SLC2A9: variants seen among roughly 807,000 people sequenced by gnomAD.
SLC2A9 encodes solute carrier family 2, facilitated glucose transporter member 9.
SLC2A9 carries 39 observed loss-of-function variants against 50.6 expected under a neutral mutation model. The observed-to-expected ratio is 0.77, with a 90% CI of 0.60 to 1.01. SLC2A9 has a LOEUF of 1.01. SLC2A9 is among the 50% of genes least tolerant of loss of function. The pLI is 0.00. For synonymous variants in SLC2A9, 324 were observed against 276.9 expected (o/e 1.17, Z -1.69); for missense variants, 686 against 677.6 (o/e 1.01, Z -0.14).
chr4:10,023,524 T>TA (rs774183934), upstream of SLC2A9, among the ~76,000 whole-genome samples: 12 of 152,352 alleles, frequency 7.9e-5, no homozygotes, highest in Non-Finnish European at 1.5e-4. Flanking sequence ...AATTGCTTCG[T>TA]AGTCCTCTGT....
downstream of SLC2A9, among the ~76,000 whole-genome samples, chr4:9,796,279 T>A (rs1309241557): frequency 6.6e-6 from 1 of 152,204 alleles, no homozygotes; most frequent in African/African-American, 2.4e-5. Flanking sequence ...TTGCCTGACC[T>A]TAACATTGTC....
intron 5 of SLC2A9, among the ~76,000 whole-genome samples, chr4:9,951,975 C>CG (rs1750364727): frequency 6.6e-6 from 1 of 152,236 alleles, no homozygotes; most frequent in African/African-American, 2.4e-5. Flanking sequence ...CCATGTGCCA[C>CG]GGCTCAGCTC....
upstream of SLC2A9, among the ~76,000 whole-genome samples, chr4:10,024,069 C>T (rs1181566515): frequency 6.6e-6 from 1 of 152,200 alleles, no homozygotes; most frequent in Non-Finnish European, 1.5e-5. Flanking sequence ...TGACCTTGCT[C>T]AGGCCCTCAC....
chr4:9,996,697 T>G, intron 3 of SLC2A9, 84 bp downstream of exon 3: 1 of 1,525,760 alleles, frequency 6.6e-7, no homozygotes, highest in East Asian at 2.4e-5. Flanking sequence ...AGTGGAGTTC[T>G]GTTGCCTGTC....
chr4:9,843,934 C>G (rs369138285), intron 10 of SLC2A9, among the ~76,000 whole-genome samples: 130 of 152,148 alleles, frequency 8.5e-4, no homozygotes, highest in African/African-American at 2.8e-3. Flanking sequence ...AAGGCCTTCC[C>G]CAATAACATA....
intron 5 of SLC2A9, among the ~76,000 whole-genome samples, chr4:9,961,548 T>C (rs1244132355): frequency 6.6e-6 from 1 of 152,084 alleles, no homozygotes; most frequent in African/African-American, 2.4e-5. Flanking sequence ...TATACAAAAA[T>C]TAACTCAAGA....
chr4:9,789,496 G>T (rs910452768), intron 3 of SLC2A9, among the ~76,000 whole-genome samples: 1 of 152,200 alleles, frequency 6.6e-6, no homozygotes, highest in Non-Finnish European at 1.5e-5. Context: ...TGCAGTAGAT[G>T]GATAGAGTGG....
chr4:9,827,023 G>T (rs1725260091), intron 11 of SLC2A9, among the ~76,000 whole-genome samples: 1 of 152,184 alleles, frequency 6.6e-6, no homozygotes, highest in Non-Finnish European at 1.5e-5. Flanking sequence ...GAAGAATGTG[G>T]AGCACAGAAT....
At chr4:9,891,781 G>A (rs1430159652) in intron 8 of SLC2A9, among the ~76,000 whole-genome samples, 1 of 152,196 alleles carries the variant, frequency 6.6e-6, no homozygotes, top group African/African-American at 2.4e-5. Flanking sequence ...ACAGAGATGT[G>A]GAGAGCTTGT....
At chr4:9,812,783 G>GT (rs902925620) in intron 3 of SLC2A9, among the ~76,000 whole-genome samples, 8 of 151,768 alleles carry the variant, frequency 5.3e-5, no homozygotes, top group Middle Eastern at 3.4e-3. Flanking sequence ...GATAATCCAA[G>GT]TTTTTTTTTC....
Position 9,860,092 on chromosome 4 carries a change from G to A in SLC2A9, c.1292-25084C>T, listed in dbSNP as rs541537096. 1.1e-4 allele frequency among the ~76,000 whole-genome samples: 17 copies of A among 152,254 alleles called. No individual in the cohort carries two copies. The South Asian group carries it at 1.9e-3, about 17-fold the overall frequency. On this transcript the variant is annotated intron_variant, in intron 10 of 11. Coordinates refer to ENST00000264784, the MANE Select transcript of SLC2A9 (RefSeq NM_020041.3). Reference sequence around the variant, plus strand: ...ACAGCAGAGGGAGTGAGAACAGCCCGCAGTTCCTGTTGGATGGCACCTGCT... The same window carrying A: ...ACAGCAGAGGGAGTGAGAACAGCCCACAGTTCCTGTTGGATGGCACCTGCT...
downstream of SLC2A9, among the ~76,000 whole-genome samples, chr4:9,821,412 CTG>C (rs1420008447): frequency 2.0e-5 from 3 of 152,002 alleles, no homozygotes; most frequent in Non-Finnish European, 2.9e-5. Flanking sequence ...AAACGAAACA[CTG>C]TATGTTCTTA....
chr4:10,029,131 G>A (rs1763847369), intron 1 of SLC2A9: 1 of 152,260 alleles, frequency 6.6e-6, no homozygotes, highest in Non-Finnish European at 1.5e-5. Flanking sequence ...TCCACAGGGT[G>A]TCTCTGTTTT....
intron 10 of SLC2A9, among the ~76,000 whole-genome samples, chr4:9,843,747 C>A (rs1474361463): frequency 6.6e-6 from 1 of 152,154 alleles, no homozygotes; most frequent in Non-Finnish European, 1.5e-5. Flanking sequence ...GTGATGAACA[C>A]TCAATAGCTT....
At chr4:9,991,495 T>G (rs1757710263) in intron 3 of SLC2A9, among the ~76,000 whole-genome samples, 1 of 152,100 alleles carries the variant, frequency 6.6e-6, no homozygotes, top group Non-Finnish European at 1.5e-5. Context: ...GGGGCCATCT[T>G]GCACCTCCAC....
intron 1 of SLC2A9, among the ~76,000 whole-genome samples, chr4:10,033,262 A>C (rs1176349812): frequency 6.6e-6 from 1 of 151,938 alleles, no homozygotes; most frequent in Non-Finnish European, 1.5e-5. Flanking sequence ...TCGGTATGTC[A>C]CCCCCACTGT....
intron 11 of SLC2A9, among the ~76,000 whole-genome samples, chr4:9,829,194 A>T (rs1725624094): frequency 6.6e-6 from 1 of 152,216 alleles, no homozygotes; most frequent in Admixed American, 6.5e-5. Flanking sequence ...ACTTGAGGTC[A>T]GAAGTTCAGG....
intron 6 of SLC2A9, among the ~76,000 whole-genome samples, chr4:9,934,279 A>G (rs1459958565): frequency 2.0e-5 from 3 of 152,224 alleles, no homozygotes; most frequent in Non-Finnish European, 4.4e-5. Flanking sequence ...CCACCTGGGT[A>G]AGCACAAAAA....
rs115058609 is a variant in SLC2A9, at chr4:9,979,800, A to C, written c.681+792T>G. ...TCAGTGAACAGACGCTTCATCTCTC[A>C]CCCTCCCCATGCCTGCTTTCTCCTC... On this transcript the variant is annotated intron_variant, in intron 5 of 11. Transcript: ENST00000264784. Among the ~76,000 whole-genome samples, 1,408 of 150,674 alleles carry C rather than the reference A, an allele frequency of 9.3e-3. 26 individuals carry two copies. The highest frequency in any genetic ancestry group is 0.033 in the African/African-American group (1,357 of 40,906).
Sources: gnomAD v4.1 joint callset for allele counts (sites outside exome capture counted in the v4.1 genomes callset) on GRCh38, gnomAD v4.1.1 for gene constraint, MANE v1.5 for transcripts, NCBI Gene and HGNC (gene_info 2026-07-23, HGNC 2026-07-21) for gene names.